Variants in HIGD1C observed in about 807,000 individuals in gnomAD.
The protein encoded by HIGD1C is HIG1 domain family member 1C.
HIGD1C carries 11 observed loss-of-function variants against 13.1 expected under a neutral mutation model. That is an observed-to-expected ratio of 0.84 (90% CI 0.53 to 1.39). HIGD1C has a LOEUF of 1.39. HIGD1C is among the 40% of genes most tolerant of loss of function. HIGD1C has a pLI of 0.00. For missense variants in HIGD1C, 110 were observed against 112.0 expected (o/e 0.98, Z 0.08); for synonymous variants, 36 against 37.7 (o/e 0.95, Z 0.17).
intron 2 of HIGD1C, among the ~76,000 whole-genome samples, chr12:50,962,232 TACACAC>T (rs34526248): frequency 2.9e-4 from 43 of 146,294 alleles, no homozygotes; most frequent in African/African-American, 1.1e-3. Flanking sequence ...CTAAAAAAAT[TACACAC>T]ACACACACAC....
At chr12:50,968,969 A>C (rs908038567) in intron 2 of HIGD1C, among the ~76,000 whole-genome samples, 2 of 152,090 alleles carry the variant, frequency 1.3e-5, no homozygotes, top group African/African-American at 4.8e-5. Context: ...ATGAGCCCCC[A>C]CCACGCACCG....
chr12:50,961,417 T>C (rs764159432), intron 2 of HIGD1C, among the ~76,000 whole-genome samples: 1 of 152,158 alleles, frequency 6.6e-6, no homozygotes, highest in Non-Finnish European at 1.5e-5. Flanking sequence ...TCACAGCCTA[T>C]ATTGTGGCTG....
At chr12:50,933,089 T>C in the HIGD1C span, among the ~76,000 whole-genome samples, 1 of 152,186 alleles carries the variant, frequency 6.6e-6, no homozygotes, top group Non-Finnish European at 1.5e-5. Flanking sequence ...GTGTGGCAAA[T>C]ATTATTGTCA....
At chr12:50,959,816 T>A (rs1444943075) in intron 1 of HIGD1C, among the ~76,000 whole-genome samples, 2 of 151,948 alleles carry the variant, frequency 1.3e-5, no homozygotes, top group Non-Finnish European at 1.5e-5. Flanking sequence ...CCCGGCTAAT[T>A]TTTTTGTATT....
At chr12:50,942,868 T>TC in the HIGD1C span, among the ~76,000 whole-genome samples, 1 of 45,500 alleles carries the variant, frequency 2.2e-5, no homozygotes, top group African/African-American at 8.3e-5. Context: ...TTCTCTTCTC[T>TC]TTTTTTTTTT....
At chr12:50,966,674 T>C (rs1939552189) in intron 2 of HIGD1C, among the ~76,000 whole-genome samples, 1 of 152,200 alleles carries the variant, frequency 6.6e-6, no homozygotes, top group South Asian at 2.1e-4. Flanking sequence ...TTTCAGTCAT[T>C]CTCAGACAGG....
chr12:50,950,556 G>A (rs993477153), upstream of HIGD1C, among the ~76,000 whole-genome samples: 7 of 152,044 alleles, frequency 4.6e-5, no homozygotes, highest in African/African-American at 1.7e-4. Flanking sequence ...CAGACTGAGT[G>A]CAGTGGCGCA....
intron 2 of HIGD1C, among the ~76,000 whole-genome samples, chr12:50,962,900 G>A (rs1050700582): frequency 6.6e-6 from 1 of 152,180 alleles, no homozygotes; most frequent in African/African-American, 2.4e-5. Context: ...TGGCATGTAA[G>A]TGGAACTCTA....
the HIGD1C span, among the ~76,000 whole-genome samples, chr12:50,948,114 T>C: frequency 6.6e-6 from 1 of 152,176 alleles, no homozygotes; most frequent in Non-Finnish European, 1.5e-5. Context: ...CTCTGACACA[T>C]CTCCCCATGC....
chr12:50,944,129 G>A, the HIGD1C span, among the ~76,000 whole-genome samples: 1 of 152,054 alleles, frequency 6.6e-6, no homozygotes, highest in Non-Finnish European at 1.5e-5. Flanking sequence ...GAGCCACTGA[G>A]ACTGGAAATG....
chr12:50,937,526 C>T, the HIGD1C span, among the ~76,000 whole-genome samples: 6 of 152,250 alleles, frequency 3.9e-5, no homozygotes, highest in South Asian at 4.2e-4. Flanking sequence ...TCGCCTGCAA[C>T]GTGACGAGCA....
upstream of HIGD1C, chr12:50,949,081 T>C (rs982085171): frequency 5.9e-5 from 9 of 151,674 alleles, no homozygotes; most frequent in African/African-American, 2.2e-4. Context: ...ACTATGCAGC[T>C]ATAAAACAGA....
upstream of HIGD1C, among the ~76,000 whole-genome samples, chr12:50,952,059 ATTTT>A (rs141699945): frequency 0.049 from 6,697 of 136,694 alleles, 231 homozygotes; most frequent in African/African-American, 0.1. Context: ...TAGACCAGAA[ATTTT>A]TTTTTTTTTT....
chr12:50,964,177 C>T (rs1939453754), intron 2 of HIGD1C, among the ~76,000 whole-genome samples: 1 of 152,142 alleles, frequency 6.6e-6, no homozygotes, highest in Non-Finnish European at 1.5e-5. Context: ...TACATAAATG[C>T]ATTCATATCA....
the HIGD1C span, among the ~76,000 whole-genome samples, chr12:50,936,413 A>G: frequency 2.0e-5 from 3 of 152,180 alleles, no homozygotes; most frequent in Admixed American, 1.3e-4. Context: ...CTCAGCTGGC[A>G]TTAACTTTTT....
chr12:50,938,225 G>A, the HIGD1C span, among the ~76,000 whole-genome samples: 2,728 of 107,812 alleles, frequency 0.025, 76 homozygotes, highest in African/African-American at 0.081. Flanking sequence ...CACACCCCTC[G>A]GTGTCCAAAG....
chr12:50,966,910 G>A (rs991589794), intron 2 of HIGD1C, among the ~76,000 whole-genome samples: 2 of 152,110 alleles, frequency 1.3e-5, no homozygotes, highest in Non-Finnish European at 2.9e-5. Flanking sequence ...GAGGTCAGGA[G>A]TTCGAGAACA....
chr12:50,945,832 ACT>A, the HIGD1C span, among the ~76,000 whole-genome samples: 4 of 152,174 alleles, frequency 2.6e-5, no homozygotes, highest in Admixed American at 2.0e-4. Context: ...TTCAAACTAT[ACT>A]ACAAGGCTAC....
the HIGD1C span, chr12:50,932,051 T>C: frequency 6.6e-6 from 1 of 152,198 alleles, no homozygotes; most frequent in Non-Finnish European, 1.5e-5. Context: ...AAGATAAAGA[T>C]TGTACTTGAC....
Sources: allele counts gnomAD v4.1 joint callset (sites outside exome capture counted in the v4.1 genomes callset), GRCh38; gene constraint gnomAD v4.1.1; transcripts MANE v1.5; gene names NCBI Gene and HGNC (gene_info 2026-07-23, HGNC 2026-07-21).